The following TRPM8 variants were observed in gnomAD, a reference collection of about 807,000 sequenced individuals.
The protein encoded by TRPM8 is TRPM8 cationic channel.
A neutral mutation model predicts 133.7 loss-of-function variants in TRPM8; 110 were observed. The ratio of observed to expected loss-of-function variants is 0.82; its 90% CI spans 0.70 to 0.96. The LOEUF (loss-of-function observed/expected upper bound fraction) is 0.96, where lower values mean the gene tolerates loss of function less well. Ranked by LOEUF, TRPM8 falls within the 40% of genes least tolerant of loss-of-function variation. The probability of loss-of-function intolerance (pLI) is 0.00; values close to 1 mark genes in which losing one functional copy is unlikely to be tolerated. For synonymous variants in TRPM8, 535 were observed against 532.3 expected, an observed-to-expected ratio of 1.01 and a Z score of -0.07; for missense variants, 1,291 against 1,379.5, an observed-to-expected ratio of 0.94 and a Z score of 1.02.
chr2:233,963,529 T>C (rs1262700234), intron 13 of TRPM8, 152 bp downstream of exon 13: 3 of 578,748 alleles, frequency 5.2e-6, no homozygotes, highest in Non-Finnish European at 9.0e-6. Context: ...TCCATGTTGG[T>C]GAAGGAGTGC....
intron 22 of TRPM8, among the ~76,000 whole-genome samples, chr2:233,999,886 C>T (rs1692508037): frequency 6.6e-6 from 1 of 152,216 alleles, no homozygotes; most frequent in Admixed American, 6.5e-5. Context: ...TCCTGATCCT[C>T]ACCATGCCCA....
intron 1 of TRPM8, among the ~76,000 whole-genome samples, 163 bp downstream of exon 1, chr2:233,917,595 G>A (rs952395916): frequency 6.6e-6 from 1 of 152,128 alleles, no homozygotes; most frequent in Non-Finnish European, 1.5e-5. Context: ...AAGTGTTGTG[G>A]GCATAAGCAA....
Position 233,955,179 on chromosome 2 carries a change from A to G in TRPM8, c.1291A>G (p.Lys431Glu), listed in dbSNP as rs1373652204. 1 of 1,614,180 alleles carries G rather than the reference A, an allele frequency of 6.2e-7. No homozygotes were observed. The highest frequency in any genetic ancestry group is 1.7e-5 in the Admixed American group (1 of 60,026). The change falls in exon 11 of 26, where the codon AAG becomes GAG. Residue 431 changes from lysine to glutamate, a missense_variant. Coordinates refer to ENST00000324695, the MANE Select transcript of TRPM8 (RefSeq NM_024080.5). Reference sequence around the variant, plus strand: ...CAAGGATAACTGGAATGGGCAGCTGAAGCTTCTGCTGGAGTGGAACCAGCT... The same window carrying G: ...CAAGGATAACTGGAATGGGCAGCTGGAGCTTCTGCTGGAGTGGAACCAGCT... ...QDKDNWNGQL[K>E]LLLEWNQLDL... is the part of the protein sequence containing the mutation.
chr2:233,947,591 C>T, intron 8 of TRPM8: 1 of 1,290,594 alleles, frequency 7.7e-7, no homozygotes. Flanking sequence ...AGGTATGTTG[C>T]ATGATGGAAT....
chr2:233,957,125 T>C (rs1691311629), intron 11 of TRPM8, among the ~76,000 whole-genome samples: 1 of 152,214 alleles, frequency 6.6e-6, no homozygotes. Flanking sequence ...TTGTATTGGC[T>C]TGCAAGAGCC....
chr2:234,012,880 G>T (rs902486885), intron 24 of TRPM8, among the ~76,000 whole-genome samples: 1 of 151,932 alleles, frequency 6.6e-6, no homozygotes, highest in Non-Finnish European at 1.5e-5. Context: ...AGATGATCAT[G>T]TGGTTTTTGT....
intron 2 of TRPM8, among the ~76,000 whole-genome samples, chr2:233,927,816 C>T (rs868444221): frequency 1.4e-5 from 1 of 69,472 alleles, no homozygotes; most frequent in African/African-American, 9.9e-5. Context: ...TCCTTCCTTC[C>T]TTCCTTCCTT....
chr2:233,927,825 TTCC>T (rs1691573534), intron 2 of TRPM8, among the ~76,000 whole-genome samples: 5 of 82,028 alleles, frequency 6.1e-5, no homozygotes, highest in South Asian at 3.6e-4. Flanking sequence ...CCTTCCTTCC[TTCC>T]TTCCTTCCTT....
At chr2:233,985,892 A>T in intron 21 of TRPM8, 27 bp downstream of exon 21, 2 of 1,589,578 alleles carry the variant, frequency 1.3e-6, no homozygotes, top group Non-Finnish European at 1.7e-6. Context: ...ATGTTCACTG[A>T]TGTCCACCCT....
At chr2:233,970,639 T>C (rs1691690774) in intron 17 of TRPM8, 1 of 583,226 alleles carries the variant, frequency 1.7e-6, no homozygotes, top group African/African-American at 1.9e-5. Flanking sequence ...TATTCTTTGC[T>C]CTCTAATGAA....
At chr2:233,927,766 CT>C (rs1392442221) in intron 2 of TRPM8, among the ~76,000 whole-genome samples, 5 of 70,146 alleles carry the variant, frequency 7.1e-5, no homozygotes, top group African/African-American at 4.9e-4. Context: ...TTCTTTCTTT[CT>C]TTCTTTCTTT....
intron 12 of TRPM8, among the ~76,000 whole-genome samples, chr2:233,962,299 A>AC (rs1243611621): frequency 1.3e-5 from 2 of 151,936 alleles, no homozygotes; most frequent in Non-Finnish European, 2.9e-5. Context: ...GCGTACAAAT[A>AC]CCCCCACTTG....
intron 21 of TRPM8, among the ~76,000 whole-genome samples, chr2:233,986,518 C>T (rs1692152544): frequency 6.6e-6 from 1 of 152,154 alleles, no homozygotes; most frequent in Admixed American, 6.5e-5. Flanking sequence ...GGTATATCAG[C>T]ATTTTAAGTG....
chr2:233,946,446 T>A (rs912332150), intron 7 of TRPM8: 3 of 169,566 alleles, frequency 1.8e-5, no homozygotes, highest in African/African-American at 4.8e-5. Flanking sequence ...TTTTGAATCT[T>A]GGCTACTTCT....
rs199683400 is a variant in TRPM8, at chr2:233,926,519, A to G, written c.-5-14A>G. On this transcript the variant is annotated splice_polypyrimidine_tract_variant and intron_variant, in intron 1 of 25. Coordinates refer to ENST00000324695, the MANE Select transcript of TRPM8 (RefSeq NM_024080.5). Reference sequence around the variant, plus strand: ...TTTGTAACCCAAACTTATCCCCTCCAACCATCGTCACAGAAAAGATGTCCT... The same window carrying G: ...TTTGTAACCCAAACTTATCCCCTCCGACCATCGTCACAGAAAAGATGTCCT... The G allele has an allele frequency of 2.3e-5, 37 of 1,604,056 alleles. No homozygotes were observed. The highest frequency in any genetic ancestry group is 2.0e-4 in the Admixed American group (12 of 59,990).
At chr2:234,007,635 A>C (rs1692726735) in intron 23 of TRPM8, among the ~76,000 whole-genome samples, 1 of 152,214 alleles carries the variant, frequency 6.6e-6, no homozygotes, top group Admixed American at 6.5e-5. Context: ...AACACACCTC[A>C]AGTTTCACTC....
chr2:233,955,762 G>A (rs979596673), intron 11 of TRPM8, among the ~76,000 whole-genome samples: 2 of 152,162 alleles, frequency 1.3e-5, no homozygotes, highest in African/African-American at 4.8e-5. Flanking sequence ...TTAGAGCAGG[G>A]GTGCCGGTCC....
chr2:234,010,594 C>T (rs192079812), intron 24 of TRPM8, among the ~76,000 whole-genome samples: 5 of 152,242 alleles, frequency 3.3e-5, no homozygotes, highest in Admixed American at 2.0e-4. Context: ...ACTTACCTTC[C>T]CACCAATAGT....
chr2:233,966,850 T>C (rs1179854933), intron 15 of TRPM8, 95 bp downstream of exon 15: 2 of 1,380,196 alleles, frequency 1.4e-6, no homozygotes, highest in African/African-American at 1.5e-5. Context: ...AAACAAACCT[T>C]ATTCTCCAAT....
Sources: allele counts gnomAD v4.1 joint callset (sites outside exome capture counted in the v4.1 genomes callset), GRCh38; gene constraint gnomAD v4.1.1; transcripts MANE v1.5; gene names NCBI Gene and HGNC (gene_info 2026-07-23, HGNC 2026-07-21).